SLC4A4: variants seen among roughly 807,000 people sequenced by gnomAD.
SLC4A4 encodes the protein solute carrier family 4 member 4, also known as electrogenic sodium bicarbonate cotransporter 1.
SLC4A4 carries 27 observed loss-of-function variants against 111.5 expected under a neutral mutation model. The observed-to-expected ratio is 0.24, with a 90% confidence interval of 0.18 to 0.33. The LOEUF (loss-of-function observed/expected upper bound fraction) is 0.33, where lower values mean the gene tolerates loss of function less well. SLC4A4 is among the 10% of genes least tolerant of loss of function. The pLI, the probability that SLC4A4 is intolerant of heterozygous loss-of-function variation, is 1.00. For missense variants in SLC4A4, 909 were observed against 1,315.5 expected, an observed-to-expected ratio of 0.69 and a Z score of 4.78; for synonymous variants, 443 against 463.4, an observed-to-expected ratio of 0.96 and a Z score of 0.57.
chr4:71,331,965 A>G (rs1435823271), intron 3 of SLC4A4, among the ~76,000 whole-genome samples: 2 of 152,132 alleles, frequency 1.3e-5, no homozygotes, highest in Admixed American at 1.3e-4. Context: ...TTATTGGCAT[A>G]TAGTTGCTCG....
intron 2 of SLC4A4, among the ~76,000 whole-genome samples, chr4:71,146,608 C>T (rs1331262651): frequency 3.3e-5 from 5 of 152,112 alleles, no homozygotes; most frequent in African/African-American, 4.8e-5. Context: ...TCACTAAGGA[C>T]TTGCTTTATG....
At chr4:71,347,898 G>A (rs1338510599) in intron 4 of SLC4A4, among the ~76,000 whole-genome samples, 1 of 151,984 alleles carries the variant, frequency 6.6e-6, no homozygotes, top group African/African-American at 2.4e-5. Context: ...CATACTCTTA[G>A]GAATTCAAGA....
intron 6 of SLC4A4, 93 bp from the exon 7 acceptor site, chr4:71,397,484 A>G: frequency 1.8e-6 from 2 of 1,094,792 alleles, no homozygotes; most frequent in Non-Finnish European, 2.8e-6. Flanking sequence ...CACCATTTCC[A>G]TCATCATCTA....
At chr4:71,233,579 C>G (rs569005322) in intron 1 of SLC4A4, among the ~76,000 whole-genome samples, 1 of 152,258 alleles carries the variant, frequency 6.6e-6, no homozygotes, top group East Asian at 1.9e-4. Context: ...CCAGTAATAG[C>G]TTCAGGTACC....
At chr4:71,166,777 T>C (rs1293993891) in intron 2 of SLC4A4, among the ~76,000 whole-genome samples, 2 of 152,224 alleles carry the variant, frequency 1.3e-5, no homozygotes, top group African/African-American at 4.8e-5. Flanking sequence ...GTCTGTCTCA[T>C]AGTTACCACT....
At chr4:71,333,185 A>C (rs1226462589) in intron 3 of SLC4A4, among the ~76,000 whole-genome samples, 4 of 152,206 alleles carry the variant, frequency 2.6e-5, no homozygotes, top group Non-Finnish European at 4.4e-5. Context: ...TTCAAAGGGA[A>C]TTGATTGTTG....
intron 7 of SLC4A4, among the ~76,000 whole-genome samples, chr4:71,422,502 C>T (rs1297622723): frequency 1.3e-5 from 2 of 152,066 alleles, no homozygotes; most frequent in African/African-American, 4.8e-5. Flanking sequence ...CCAGCATCAT[C>T]CTGATACCAA....
intron 1 of SLC4A4, among the ~76,000 whole-genome samples, chr4:71,084,329 TTA>T (rs1742083856): frequency 6.6e-6 from 1 of 152,074 alleles, no homozygotes; most frequent in Non-Finnish European, 1.5e-5. Context: ...ATGTTTCAAC[TTA>T]TCTGCAACCT....
At chr4:71,304,465 T>G (rs1044262777) in intron 3 of SLC4A4, among the ~76,000 whole-genome samples, 16 of 152,224 alleles carry the variant, frequency 1.1e-4, no homozygotes, top group African/African-American at 3.9e-4. Context: ...ATTTTGTCCC[T>G]CACCAAATTG....
chr4:71,506,282 G>A (rs1192891357), intron 16 of SLC4A4, among the ~76,000 whole-genome samples: 5 of 152,092 alleles, frequency 3.3e-5, no homozygotes, highest in African/African-American at 9.7e-5. Context: ...GGGCAGTATG[G>A]CCATTTTAAC....
At chr4:71,165,139 G>T (rs2148979275) in intron 2 of SLC4A4, among the ~76,000 whole-genome samples, 1 of 152,180 alleles carries the variant, frequency 6.6e-6, no homozygotes, top group Admixed American at 6.5e-5. Context: ...GTGGAAGACA[G>T]TGTGGAGATT....
intron 3 of SLC4A4, among the ~76,000 whole-genome samples, chr4:71,284,968 G>A (rs1360013332): frequency 6.6e-6 from 1 of 152,162 alleles, no homozygotes; most frequent in Non-Finnish European, 1.5e-5. Flanking sequence ...TAGTCATGGA[G>A]TAATATTCCT....
chr4:71,117,780 T>C (rs554733837), intron 2 of SLC4A4, among the ~76,000 whole-genome samples: 1 of 152,332 alleles, frequency 6.6e-6, no homozygotes, highest in Non-Finnish European at 1.5e-5. Context: ...TAGTCAATTA[T>C]ATTGTAGTTC....
At chr4:71,506,897 T>G (rs1731469512) in intron 16 of SLC4A4, among the ~76,000 whole-genome samples, 1 of 152,118 alleles carries the variant, frequency 6.6e-6, no homozygotes, top group South Asian at 2.1e-4. Flanking sequence ...AGTGGGCCTC[T>G]CAGTGGAAAT....
chr4:71,145,069 A>T (rs1171510656), intron 2 of SLC4A4, among the ~76,000 whole-genome samples: 1 of 152,136 alleles, frequency 6.6e-6, no homozygotes, highest in Non-Finnish European at 1.5e-5. Context: ...ATTCAGTATG[A>T]TATTGGCTGT....
chr4:71,121,040 C>T (rs889669126), intron 2 of SLC4A4, among the ~76,000 whole-genome samples: 5 of 152,188 alleles, frequency 3.3e-5, no homozygotes, highest in African/African-American at 4.8e-5. Context: ...CTGGCGCCGC[C>T]GGCCCAGGGC....
chr4:71,089,186 C>G (rs1056518629), intron 1 of SLC4A4, among the ~76,000 whole-genome samples: 1 of 152,004 alleles, frequency 6.6e-6, no homozygotes, highest in Non-Finnish European at 1.5e-5. Flanking sequence ...TCCAGGTGAT[C>G]GATCGGCTAC....
At chr4:71,421,424 C>G (rs1466220981) in intron 7 of SLC4A4, among the ~76,000 whole-genome samples, 3 of 152,172 alleles carry the variant, frequency 2.0e-5, no homozygotes, top group East Asian at 1.9e-4. Context: ...TTAGACAGAT[C>G]ATCGAGACAG....
intron 6 of SLC4A4, among the ~76,000 whole-genome samples, chr4:71,382,187 A>G (rs562600562): frequency 6.6e-6 from 1 of 152,282 alleles, no homozygotes; most frequent in South Asian, 2.1e-4. Flanking sequence ...GATTTTCCAA[A>G]AAAAAAAAAT....
Sources: gnomAD v4.1 joint callset for allele counts (sites outside exome capture counted in the v4.1 genomes callset) on GRCh38, gnomAD v4.1.1 for gene constraint, MANE v1.5 for transcripts, NCBI Gene and HGNC (gene_info 2026-07-23, HGNC 2026-07-21) for gene names.